The following CPM variants were observed in gnomAD, a reference collection of about 807,000 sequenced individuals.
CPM encodes carboxypeptidase M, also known as renal carboxypeptidase.
CPM carries 35 observed loss-of-function variants against 46.4 expected under a neutral mutation model. That is an observed-to-expected ratio of 0.75 (90% CI 0.58 to 1.00). The LOEUF (loss-of-function observed/expected upper bound fraction) is 1.00. Ranked by LOEUF, CPM falls within the 50% of genes least tolerant of loss-of-function variation. The probability of loss-of-function intolerance (pLI) is 0.00; values close to 1 mark genes in which losing one functional copy is unlikely to be tolerated. For missense variants in CPM, 422 were observed against 530.4 expected (o/e 0.80, Z 2.01); for synonymous variants, 195 against 195.3 (o/e 1.00, Z 0.01).
At chr12:68,930,732 T>A (rs939235376) in intron 2 of CPM, among the ~76,000 whole-genome samples, 22 of 152,256 alleles carry the variant, frequency 1.4e-4, no homozygotes, top group African/African-American at 2.4e-5. Flanking sequence ...TTAAGCCTGC[T>A]GACTTTCACT....
intron 5 of CPM, chr12:68,842,387 A>G: frequency 4.1e-6 from 2 of 493,036 alleles, no homozygotes; most frequent in Non-Finnish European, 8.0e-6. Context: ...AGGTTTCCTA[A>G]AAATCTCATT....
chr12:68,885,864 C>T lies in CPM; in HGVS notation c.186G>A (p.Val62=), dbSNP rs1172595790. 1 of 1,614,050 alleles carries T rather than the reference C, an allele frequency of 6.2e-7. No homozygotes were observed. Among genetic ancestry groups the T allele is most frequent in the Non-Finnish European group, 8.5e-7 (1 of 1,180,000 alleles). Reference sequence around the variant, plus strand: ...TTCTGTGTTCCTTTGGAAACCGCCCCACAACAAGAACCCACAGGTTTCTAC... The same window carrying T: ...TTCTGTGTTCCTTTGGAAACCGCCCTACAACAAGAACCCACAGGTTTCTAC... ...VKGRNLWVLV[V]GRFPKEHRIG... is the part of the protein sequence containing the mutation. The change falls in exon 3 of 9, where the codon GTG becomes GTA. Residue 62 remains valine (V), a synonymous_variant. Coordinates refer to ENST00000551568, the MANE Select transcript of CPM (RefSeq NM_198320.5).
At chr12:68,863,922 A>G (rs1040610396) in intron 7 of CPM, among the ~76,000 whole-genome samples, 1 of 152,226 alleles carries the variant, frequency 6.6e-6, no homozygotes, top group East Asian at 1.9e-4. Context: ...CTTCACAAAC[A>G]AAATATTCAT....
chr12:68,955,696 G>A (rs771696620), intron 1 of CPM, among the ~76,000 whole-genome samples: 8 of 152,044 alleles, frequency 5.3e-5, no homozygotes, highest in South Asian at 4.2e-4. Context: ...GCTCCTATCC[G>A]CAGACAGGTT....
intron 2 of CPM, among the ~76,000 whole-genome samples, chr12:68,921,253 T>C (rs570915091): frequency 6.1e-4 from 92 of 151,936 alleles, no homozygotes; most frequent in African/African-American, 2.2e-3. Flanking sequence ...GCGATTCTCC[T>C]GCCTCAGCCT....
At chr12:68,897,697 A>C (rs1358804700) in intron 2 of CPM, among the ~76,000 whole-genome samples, 1 of 146,332 alleles carries the variant, frequency 6.8e-6, no homozygotes, top group Non-Finnish European at 1.5e-5. Flanking sequence ...AGATCGTGCC[A>C]TTGCACTCCA....
chr12:68,891,921 G>A (rs1180299611), intron 2 of CPM, among the ~76,000 whole-genome samples: 1 of 152,136 alleles, frequency 6.6e-6, no homozygotes, highest in East Asian at 1.9e-4. Flanking sequence ...ATTTTTAGTA[G>A]AGATGGGGTT....
chr12:68,905,749 T>G (rs1266704076), intron 2 of CPM, among the ~76,000 whole-genome samples: 1 of 151,980 alleles, frequency 6.6e-6, no homozygotes, highest in East Asian at 1.9e-4. Context: ...GGCTGATAAA[T>G]CCAGTTCTTC....
intron 7 of CPM, among the ~76,000 whole-genome samples, chr12:68,860,235 C>T (rs571228630): frequency 2.6e-5 from 4 of 152,174 alleles, no homozygotes; most frequent in South Asian, 4.1e-4. Context: ...GCCACATTTC[C>T]TTCTCCCTTT....
intron 7 of CPM, among the ~76,000 whole-genome samples, chr12:68,860,912 G>T (rs1434684230): frequency 6.6e-6 from 1 of 150,526 alleles, no homozygotes; most frequent in Non-Finnish European, 1.5e-5. Flanking sequence ...ACAGGGTCTT[G>T]CTCTGTCACC....
upstream of CPM, among the ~76,000 whole-genome samples, chr12:68,934,847 C>G (rs1196881330): frequency 6.6e-6 from 1 of 152,032 alleles, no homozygotes; most frequent in Non-Finnish European, 1.5e-5. Flanking sequence ...ATAAATAAAC[C>G]AGCTTAATTC....
At chr12:68,957,497 A>T (rs1373363610) in intron 1 of CPM, 1 of 238,214 alleles carries the variant, frequency 4.2e-6, no homozygotes, top group African/African-American at 2.3e-5. Flanking sequence ...ATACAGCTCC[A>T]GTGACTGAAA....
chr12:68,896,117 G>A (rs916921288), intron 2 of CPM, among the ~76,000 whole-genome samples: 1 of 152,124 alleles, frequency 6.6e-6, no homozygotes, highest in Non-Finnish European at 1.5e-5. Context: ...AGTTCCCAAA[G>A]GAGGTAACTC....
chr12:68,919,034 C>T (rs897462374), intron 2 of CPM, among the ~76,000 whole-genome samples: 8 of 152,226 alleles, frequency 5.3e-5, no homozygotes, highest in African/African-American at 1.9e-4. Flanking sequence ...TCCAGCCACC[C>T]TGGTCTCACT....
upstream of CPM, among the ~76,000 whole-genome samples, chr12:68,934,626 T>C (rs548908127): frequency 1.8e-4 from 27 of 152,252 alleles, no homozygotes; most frequent in Admixed American, 2.0e-4. Flanking sequence ...TGTGCCACAG[T>C]TGTGCACATG....
chr12:68,856,476 GAACA>G lies in CPM; in HGVS notation c.1289_1292del (p.Leu430SerfsTer4). On this transcript the variant is annotated frameshift_variant, in exon 9 of 9. Coordinates refer to ENST00000551568, the MANE Select transcript of CPM (RefSeq NM_198320.5). LOFTEE classifies it high-confidence loss of function. ...TGTGCAAAAGACTCACTAAAAATAAGAACAAACTAGGCTTTGTTGCAGCTGAGTG... is the reference window on the plus strand; with the variant it reads ...TGTGCAAAAGACTCACTAAAAATAAGAACTAGGCTTTGTTGCAGCTGAGTG... 6.2e-7 allele frequency: 1 copy of G among 1,614,066 alleles called. No homozygotes were observed. The highest frequency in any genetic ancestry group is 8.5e-7 in the Non-Finnish European group (1 of 1,179,940).
intron 4 of CPM, among the ~76,000 whole-genome samples, chr12:68,870,729 A>G (rs1885657840): frequency 6.6e-6 from 1 of 152,228 alleles, no homozygotes. Context: ...GAGTCCACGG[A>G]GAGTCCATGG....
intron 8 of CPM, among the ~76,000 whole-genome samples, chr12:68,858,311 T>A (rs1885060665): frequency 6.6e-6 from 1 of 152,232 alleles, no homozygotes; most frequent in Admixed American, 6.5e-5. Flanking sequence ...CTTATTCATT[T>A]AGTTCTTTCA....
At chr12:68,890,963 A>G (rs949848905) in intron 2 of CPM, among the ~76,000 whole-genome samples, 6 of 152,248 alleles carry the variant, frequency 3.9e-5, no homozygotes, top group African/African-American at 1.4e-4. Context: ...TACACAGAGT[A>G]ATAGATCAGC....
Sources: gnomAD v4.1 joint callset for allele counts (sites outside exome capture counted in the v4.1 genomes callset) on GRCh38, gnomAD v4.1.1 for gene constraint, MANE v1.5 for transcripts, NCBI Gene and HGNC (gene_info 2026-07-23, HGNC 2026-07-21) for gene names.